Variants in ERC2 observed in about 807,000 individuals in gnomAD.
ERC2 encodes the protein ERC protein 2.
ERC2 carries 42 observed loss-of-function variants against 114.8 expected under a neutral mutation model. The ratio of observed to expected loss-of-function variants is 0.37; its 90% CI spans 0.29 to 0.47. The LOEUF (loss-of-function observed/expected upper bound fraction) is 0.47. Ranked by LOEUF, ERC2 falls within the 20% of genes least tolerant of loss-of-function variation. The probability of loss-of-function intolerance (pLI) is 0.99; values close to 1 mark genes in which losing one functional copy is unlikely to be tolerated. For synonymous variants in ERC2, 454 were observed against 425.5 expected (o/e 1.07, Z -0.82); for missense variants, 939 against 1,150.7 (o/e 0.82, Z 2.66).
chr3:56,425,249 G>A (rs2061523470), intron 2 of ERC2, among the ~76,000 whole-genome samples: 1 of 152,124 alleles, frequency 6.6e-6, no homozygotes, highest in Admixed American at 6.6e-5. Context: ...AAGTCCTGGA[G>A]GGAGGATATG....
chr3:56,381,447 C>T (rs1181709060), intron 2 of ERC2, among the ~76,000 whole-genome samples: 1 of 151,964 alleles, frequency 6.6e-6, no homozygotes, highest in African/African-American at 2.4e-5. Flanking sequence ...CCTGTGAATA[C>T]TGTATTCTCA....
chr3:55,692,717 C>T (rs2062728268), intron 16 of ERC2, among the ~76,000 whole-genome samples: 1 of 152,174 alleles, frequency 6.6e-6, no homozygotes, highest in Admixed American at 6.5e-5. Context: ...GCTGCAGCCT[C>T]TCTGAAGCAG....
chr3:56,436,033 T>C (rs2062003196), intron 1 of ERC2, among the ~76,000 whole-genome samples: 1 of 152,248 alleles, frequency 6.6e-6, no homozygotes, highest in Non-Finnish European at 1.5e-5. Flanking sequence ...AGATTTTATG[T>C]AGCTGGGGCT....
At chr3:56,376,202 A>C (rs2059534333) in intron 2 of ERC2, among the ~76,000 whole-genome samples, 1 of 152,202 alleles carries the variant, frequency 6.6e-6, no homozygotes, top group South Asian at 2.1e-4. Context: ...AAAGTCAGTA[A>C]GTTTTGAGGG....
At chr3:55,844,713 A>C (rs2061277443) in intron 14 of ERC2, among the ~76,000 whole-genome samples, 1 of 152,230 alleles carries the variant, frequency 6.6e-6, no homozygotes, top group African/African-American at 2.4e-5. Flanking sequence ...AATTAAAGGG[A>C]TACATGAATT....
chr3:55,787,768 C>T (rs938195703), intron 14 of ERC2, among the ~76,000 whole-genome samples: 3 of 152,160 alleles, frequency 2.0e-5, no homozygotes, highest in Non-Finnish European at 2.9e-5. Flanking sequence ...AATACTACTC[C>T]CACAGGCTGA....
intron 3 of ERC2, among the ~76,000 whole-genome samples, chr3:56,176,868 T>C (rs1201733399): frequency 1.3e-5 from 2 of 152,208 alleles, no homozygotes; most frequent in African/African-American, 4.8e-5. Flanking sequence ...GGTGGGGCCA[T>C]GGGACTTATT....
At chr3:56,215,457 T>C (rs1393436838) in intron 3 of ERC2, among the ~76,000 whole-genome samples, 2 of 152,180 alleles carry the variant, frequency 1.3e-5, no homozygotes, top group Non-Finnish European at 2.9e-5. Flanking sequence ...CCTAAATATA[T>C]ATGCACCCAA....
chr3:55,923,824 A>T (rs1233571217), intron 13 of ERC2, among the ~76,000 whole-genome samples: 1 of 152,076 alleles, frequency 6.6e-6, no homozygotes, highest in Non-Finnish European at 1.5e-5. Flanking sequence ...GACAGACATC[A>T]CTAATCGATT....
intron 2 of ERC2, among the ~76,000 whole-genome samples, chr3:56,396,607 G>A (rs979258863): frequency 6.6e-6 from 1 of 152,188 alleles, no homozygotes; most frequent in African/African-American, 2.4e-5. Flanking sequence ...TGTATTCTCA[G>A]TTTAATGACA....
chr3:56,340,514 T>TTG (rs1225466388), intron 2 of ERC2, among the ~76,000 whole-genome samples: 158 of 127,804 alleles, frequency 1.2e-3, no homozygotes, highest in African/African-American at 4.3e-3. Context: ...GTGTGTGTGT[T>TTG]TGTGTGTGAG....
chr3:55,631,558 G>A (rs567376107), intron 17 of ERC2, among the ~76,000 whole-genome samples: 1 of 152,200 alleles, frequency 6.6e-6, no homozygotes, highest in Non-Finnish European at 1.5e-5. Flanking sequence ...CATCTTTACA[G>A]TGTACACTCA....
At chr3:55,582,420 G>A (rs1427495893) in intron 17 of ERC2, among the ~76,000 whole-genome samples, 1 of 152,204 alleles carries the variant, frequency 6.6e-6, no homozygotes, top group Non-Finnish European at 1.5e-5. Flanking sequence ...TCCTCAAACA[G>A]TGTCAAGTAT....
chr3:56,143,388 T>A (rs2080969959), intron 5 of ERC2, among the ~76,000 whole-genome samples: 1 of 152,132 alleles, frequency 6.6e-6, no homozygotes. Flanking sequence ...CTCCCATAAT[T>A]CCTACATGTC....
intron 16 of ERC2, among the ~76,000 whole-genome samples, chr3:55,686,860 A>G (rs2062360250): frequency 6.6e-6 from 1 of 152,112 alleles, no homozygotes; most frequent in Non-Finnish European, 1.5e-5. Flanking sequence ...AAATATCTGG[A>G]TGGGAAGAAA....
At chr3:55,865,066 A>G (rs975210639) in intron 14 of ERC2, among the ~76,000 whole-genome samples, 2 of 151,888 alleles carry the variant, frequency 1.3e-5, no homozygotes, top group Non-Finnish European at 2.9e-5. Flanking sequence ...ACCACGTCAC[A>G]GGCCAAATGA....
At chr3:55,675,229 G>A (rs552837398) in intron 17 of ERC2, among the ~76,000 whole-genome samples, 8 of 152,292 alleles carry the variant, frequency 5.3e-5, no homozygotes, top group Non-Finnish European at 7.3e-5. Flanking sequence ...TATATTCCCA[G>A]AATACATTCC....
chr3:56,366,211 T>A (rs2059144774), intron 2 of ERC2, among the ~76,000 whole-genome samples: 1 of 152,238 alleles, frequency 6.6e-6, no homozygotes, highest in Admixed American at 6.5e-5. Flanking sequence ...AGCACATGTA[T>A]CCGAAACCTT....
chr3:55,928,391 T>C, intron 13 of ERC2, among the ~76,000 whole-genome samples: 1 of 152,254 alleles, frequency 6.6e-6, no homozygotes, highest in Admixed American at 6.5e-5. Flanking sequence ...CATATACCTG[T>C]TTGCCATTTG....
Sources: allele counts gnomAD v4.1 joint callset (sites outside exome capture counted in the v4.1 genomes callset), GRCh38; gene constraint gnomAD v4.1.1; transcripts MANE v1.5; gene names NCBI Gene and HGNC (gene_info 2026-07-23, HGNC 2026-07-21).